The following GDF11 variants were observed in gnomAD, a reference collection of about 807,000 sequenced individuals.
GDF11 encodes the protein growth/differentiation factor 11.
GDF11 carries 12 observed loss-of-function variants against 34.4 expected under a neutral mutation model. The ratio of observed to expected loss-of-function variants is 0.35; its 90% CI spans 0.22 to 0.57. GDF11 has a LOEUF of 0.57. GDF11 is among the 20% of genes least tolerant of loss of function. The pLI is 0.86. For missense variants in GDF11, 346 were observed against 548.2 expected (o/e 0.63, Z 3.68); for synonymous variants, 212 against 231.1 (o/e 0.92, Z 0.75).
In GDF11 at chr12:55,753,275, G is replaced by A. The variant is rs1878383081; in HGVS notation, c.*3393G>A. On this transcript the variant is annotated 3_prime_UTR_variant, in exon 3 of 3. Coordinates refer to ENST00000257868, the MANE Select transcript of GDF11 (RefSeq NM_005811.5). ...TATTCTCCTGCAGTCCCTGTTCCTA[G>A]GTTTCCTCAACGAAGTTTGACAAAA... 1 of 152,160 alleles carries A rather than the reference G, an allele frequency of 6.6e-6. No individual in the cohort carries two copies. Among genetic ancestry groups the A allele is most frequent in the African/African-American group, 2.4e-5 (1 of 41,408 alleles). The allele number at this position is 152,160 out of a possible 1,614,324, so 9.4% of individuals were successfully genotyped here.
rs1380333522 is a variant in GDF11 at position 55,751,669 on chromosome 12, T to C, written c.*1787T>C. On this transcript the variant is annotated 3_prime_UTR_variant, in exon 3 of 3. Transcript: ENST00000257868. ...TGCCTAGAAGCCAAGGAGTTGAGAATCTCCTGATCCACACCCTATCCTTAC... is the reference window on the plus strand; with the variant it reads ...TGCCTAGAAGCCAAGGAGTTGAGAACCTCCTGATCCACACCCTATCCTTAC... The C allele has an allele frequency of 1.3e-5, 2 of 151,650 alleles. No homozygotes were observed. Among genetic ancestry groups the C allele is most frequent in the African/African-American group, 4.9e-5 (2 of 41,164 alleles). The allele number at this position is 151,650 out of a possible 1,614,324, so 9.4% of individuals were successfully genotyped here.
rs1309523026 is a variant in GDF11, at chr12:55,754,332, G to A, written c.*4450G>A. 1.3e-5 allele frequency: 2 copies of A among 152,122 alleles called. No homozygotes were observed. The highest frequency in any genetic ancestry group is 2.4e-5 in the African/African-American group (1 of 41,414). The allele number at this position is 152,122 out of a possible 1,614,324, so 9.4% of individuals were successfully genotyped here. The stretch of plus-strand genomic sequence containing the variant: ...CTTTATCCTAAAACATCCTCCAACC[G>A]AAGGCATGGGAAGCTATCCTATACT... On this transcript the variant is annotated 3_prime_UTR_variant, in exon 3 of 3. Transcript: ENST00000257868.
chr12:55,745,153 TG>T (rs1444510749), intron 1 of GDF11, among the ~76,000 whole-genome samples: 1 of 151,494 alleles, frequency 6.6e-6, no homozygotes, highest in African/African-American at 2.4e-5. Context: ...GGGTAGGGGG[TG>T]GGGTTTCTAG....
Position 55,743,712 on chromosome 12 carries a change from GGAC to G in GDF11, c.399_401del (p.Asp133del). ...TGCAGCCCGAGGACTTCCTGGAGGA[GGAC>G]GAGTACCACGCCACCACCGAGACCG... On this transcript the variant is annotated inframe_deletion, in exon 1 of 3. Transcript: ENST00000257868. 1 of 1,589,702 alleles carries G rather than the reference GGAC, an allele frequency of 6.3e-7. No homozygotes were observed. The highest frequency in any genetic ancestry group is 8.5e-7 in the Non-Finnish European group (1 of 1,174,638).
chr12:55,743,273 T>A lies in GDF11; in HGVS notation c.-44T>A. On this transcript the variant is annotated 5_prime_UTR_variant, in exon 1 of 3. Transcript: ENST00000257868. ...TCCCTCCGCCCCCTCCCCGCGGGAC[T>A]CCGGCGTCCCCGCCCCCCAGTCCTC... 2 of 605,450 alleles carry A rather than the reference T, an allele frequency of 3.3e-6. No homozygotes were observed. Among genetic ancestry groups the A allele is most frequent in the Non-Finnish European group, 4.1e-6 (2 of 488,354 alleles). The allele number at this position is 605,450 out of a possible 1,614,324, so 37.5% of individuals were successfully genotyped here.
At position 55,743,200 on chromosome 12, in the gene GDF11, C is replaced by A. The variant is rs1878090581; in HGVS notation, c.-117C>A. ...CCCCCCGGGTCCCCCCTCGGCCGGG[C>A]AGCCCCCAATCCCGCGCCGCCCGGA... On this transcript the variant is annotated 5_prime_UTR_variant, in exon 1 of 3. Transcript: ENST00000257868. 5.8e-5 allele frequency: 11 copies of A among 189,228 alleles called. No homozygotes were observed. The South Asian group carries it at 1.7e-3, about 30-fold the overall frequency. The allele number at this position is 189,228 out of a possible 1,614,324, so 11.7% of individuals were successfully genotyped here. A position where few individuals can be genotyped will look rare whatever the true frequency, so the allele number is the denominator to read the frequency against.
chr12:55,746,018 C>CAGGG (rs1387408895), intron 1 of GDF11, among the ~76,000 whole-genome samples: 3 of 152,054 alleles, frequency 2.0e-5, no homozygotes, highest in Admixed American at 6.5e-5. Context: ...AGGTGGTGTG[C>CAGGG]AGGGAGGGGG....
Position 55,752,890 on chromosome 12 carries a change from C to T in GDF11, c.*3008C>T, listed in dbSNP as rs1397920987. 6.6e-6 allele frequency: 1 copy of T among 152,166 alleles called. No individual in the cohort carries two copies. Among genetic ancestry groups the T allele is most frequent in the African/African-American group, 2.4e-5 (1 of 41,424 alleles). 9.4% of individuals were successfully genotyped at this position (152,166 alleles called of 1,614,324 possible). On this transcript the variant is annotated 3_prime_UTR_variant, in exon 3 of 3. Transcript: ENST00000257868. ...AAAGAGTTTAGAATTCAGTGCTGAG[C>T]TCTTCTCCCTAATCAAGTGCCACAT...
At position 55,743,592 on chromosome 12, in the gene GDF11, G is replaced by C. The variant is rs1354705147; in HGVS notation, c.276G>C (p.Ala92=). The part of the protein sequence containing the change: ...QILSKLRLKE[A]PNISREVVKQ... ...TGAGCAAACTGCGGCTCAAGGAGGCGCCCAACATCAGCCGCGAGGTGGTGA... is the reference window on the plus strand; with the variant it reads ...TGAGCAAACTGCGGCTCAAGGAGGCCCCCAACATCAGCCGCGAGGTGGTGA... Residue 92 remains alanine, a synonymous_variant, in exon 1 of 3, where the codon GCG becomes GCC. Coordinates refer to ENST00000257868, the MANE Select transcript of GDF11 (RefSeq NM_005811.5). 6.2e-7 allele frequency: 1 copy of C among 1,605,036 alleles called. No individual in the cohort carries two copies. Among genetic ancestry groups the C allele is most frequent in the Admixed American group, 1.7e-5 (1 of 60,002 alleles).
In GDF11 at chr12:55,749,458, T is replaced by C; in HGVS notation, c.844-44T>C. 1 of 1,568,248 alleles carries C rather than the reference T, an allele frequency of 6.4e-7. No individual in the cohort carries two copies. The highest frequency in any genetic ancestry group is 1.7e-5 in the Admixed American group (1 of 57,636). On this transcript the variant is annotated intron_variant, in intron 2 of 2. Coordinates refer to ENST00000257868, the MANE Select transcript of GDF11 (RefSeq NM_005811.5). This position sits in a 1 kb window ranked among gnomAD's most constrained non-coding sequence, Gnocchi z 5.6. ...GGAAAGGAACAGGGAAGAGGAACTG[T>C]TCAGGACCATATCACATTTCTTTCC...
Position 55,749,949 on chromosome 12 carries a change from C to A in GDF11, c.*67C>A, listed in dbSNP as rs1878269657. The A allele has an allele frequency of 7.2e-7, 1 of 1,384,348 alleles. No homozygotes were observed. Among genetic ancestry groups the A allele is most frequent in the Admixed American group, 1.9e-5 (1 of 52,116 alleles). 85.8% of individuals were successfully genotyped at this position (1,384,348 alleles called of 1,614,324 possible). ...AGACCCCTAGCCCTGCCCCCATCCC[C>A]CCAAGCCCTAGAGCTCCCTCCACTC... On this transcript the variant is annotated 3_prime_UTR_variant, in exon 3 of 3. Coordinates refer to ENST00000257868, the MANE Select transcript of GDF11 (RefSeq NM_005811.5). The surrounding 1 kb of genome is among the most constrained non-coding windows in gnomAD (Gnocchi z 5.6).
rs549044386 is a variant in GDF11, at chr12:55,756,188, G to C, written c.*6306G>C. 1 of 152,318 alleles carries C rather than the reference G, an allele frequency of 6.6e-6. No individual in the cohort carries two copies. The highest frequency in any genetic ancestry group is 1.9e-4 in the East Asian group (1 of 5,188). The allele number at this position is 152,318 out of a possible 1,614,324, so 9.4% of individuals were successfully genotyped here. A position where few individuals can be genotyped will look rare whatever the true frequency, so the allele number is the denominator to read the frequency against. The stretch of plus-strand genomic sequence containing the variant: ...CAGACAGAAAAGAGGGAAAAGGGAA[G>C]GTCATTCCAATTTTAAGGTTTATTT... On this transcript the variant is annotated 3_prime_UTR_variant, in exon 3 of 3. Transcript: ENST00000257868.
intron 1 of GDF11, among the ~76,000 whole-genome samples, chr12:55,744,796 A>G (rs61134397): frequency 6.6e-6 from 1 of 151,376 alleles, no homozygotes. Flanking sequence ...CAACACACAC[A>G]GAGTTTGGTT....
At position 55,749,685 on chromosome 12, in the gene GDF11, G is replaced by T. The variant is rs781069776; in HGVS notation, c.1027G>T (p.Gly343Cys). The T allele has an allele frequency of 6.2e-7, 1 of 1,614,082 alleles. No homozygotes were observed. Among genetic ancestry groups the T allele is most frequent in the Non-Finnish European group, 8.5e-7 (1 of 1,180,020 alleles). The change falls in exon 3 of 3, where the codon GGC becomes TGC. Residue 343 changes from glycine to cysteine, a missense_variant. Gly to Cys is a radical substitution (Grantham distance 159, BLOSUM62 -3). Transcript: ENST00000257868. The surrounding 1 kb of genome is among the most constrained non-coding windows in gnomAD (Gnocchi z 5.6). ...GCGCTACAAGGCCAACTACTGCTCC[G>T]GCCAGTGCGAGTACATGTTCATGCA... Reference protein sequence around the residue: ...PKRYKANYCSGQCEYMFMQKY... With the variant: ...PKRYKANYCSCQCEYMFMQKY...
In GDF11 at chr12:55,743,430, G is replaced by A. The variant is rs997387743; in HGVS notation, c.114G>A (p.Ala38=). Residue 38 remains alanine, a synonymous_variant, in exon 1 of 3, where the codon GCG becomes GCA. Coordinates refer to ENST00000257868, the MANE Select transcript of GDF11 (RefSeq NM_005811.5). ...CGGCGGCGGCGGCGGCGGCGGCGGC[G>A]GCAGCGGCGGGGGTCGGGGGGGAGC... ...PAAAAAAAAA[A]AAAGVGGERS... is the part of the protein sequence containing the mutation. The A allele has an allele frequency of 9.3e-5, 104 of 1,115,200 alleles. No individual in the cohort carries two copies. Among genetic ancestry groups the A allele is most frequent in the Non-Finnish European group, 1.1e-4 (101 of 914,836 alleles). The allele number at this position is 1,115,200 out of a possible 1,614,324, so 69.1% of individuals were successfully genotyped here.
intron 1 of GDF11, among the ~76,000 whole-genome samples, chr12:55,745,382 G>A (rs1233881427): frequency 6.6e-6 from 1 of 152,086 alleles, no homozygotes; most frequent in Admixed American, 6.5e-5. Context: ...GATACACGAA[G>A]TGAAGGGACC....
intron 1 of GDF11, among the ~76,000 whole-genome samples, chr12:55,746,352 C>CA (rs1878185740): frequency 6.6e-6 from 1 of 152,214 alleles, no homozygotes; most frequent in African/African-American, 2.4e-5. Context: ...TCAGGATTCT[C>CA]AAACTCTCAA....
Position 55,743,132 on chromosome 12 carries a change from C to CCCGG in GDF11, c.-181_-178dup, listed in dbSNP as rs1878087026. On this transcript the variant is annotated 5_prime_UTR_variant, in exon 1 of 3. Transcript: ENST00000257868. ...GGCTCGGGCCCCCCCAGCCGCCCGC[C>CCCGG]CCGGCCGCCCGCCCGCCCCGCCCGC... is the stretch of plus-strand genomic sequence containing the variant. 1 of 145,452 alleles carries CCCGG rather than the reference C, an allele frequency of 6.9e-6. No homozygotes were observed. The highest frequency in any genetic ancestry group is 2.0e-4 in the East Asian group (1 of 4,966). 9.0% of individuals were successfully genotyped at this position (145,452 alleles called of 1,614,324 possible). A position where few individuals can be genotyped will look rare whatever the true frequency, so the allele number is the denominator to read the frequency against.
In GDF11 at chr12:55,754,809, G is replaced by C. The variant is rs551616531; in HGVS notation, c.*4927G>C. The C allele has an allele frequency of 6.6e-6, 1 of 152,220 alleles. No individual in the cohort carries two copies. The highest frequency in any genetic ancestry group is 1.5e-5 in the Non-Finnish European group (1 of 68,042). 9.4% of individuals were successfully genotyped at this position (152,220 alleles called of 1,614,324 possible). ...GGTTCCTTTTGGTACAGTCTGAAAA[G>C]AGAATGATTATCTGCGCAGGGTCTC... On this transcript the variant is annotated 3_prime_UTR_variant, in exon 3 of 3. Coordinates refer to ENST00000257868, the MANE Select transcript of GDF11 (RefSeq NM_005811.5).
Sources: allele counts gnomAD v4.1 joint callset (sites outside exome capture counted in the v4.1 genomes callset), GRCh38; gene constraint gnomAD v4.1.1; non-coding constraint Gnocchi (gnomAD v3.1); transcripts MANE v1.5; gene names NCBI Gene and HGNC (gene_info 2026-07-23, HGNC 2026-07-21).